ATP9B: variants seen among roughly 807,000 people sequenced by gnomAD.
ATP9B encodes the protein probable phospholipid-transporting ATPase IIB.
ATP9B carries 110 observed loss-of-function variants against 146.1 expected under a neutral mutation model. The observed-to-expected ratio is 0.75, with a 90% confidence interval of 0.65 to 0.88. The LOEUF (loss-of-function observed/expected upper bound fraction) is 0.88, where lower values mean the gene tolerates loss of function less well. ATP9B is among the 40% of genes least tolerant of loss of function. The probability of loss-of-function intolerance (pLI) is 0.00; values close to 1 mark genes in which losing one functional copy is unlikely to be tolerated. For missense variants in ATP9B, 1,499 were observed against 1,496.4 expected, an observed-to-expected ratio of 1.00 and a Z score of -0.03; for synonymous variants, 604 against 569.7, an observed-to-expected ratio of 1.06 and a Z score of -0.86.
rs1182674745 is a variant in ATP9B, at chr18:79,354,848, C to T, written c.2904-4506C>T. Among the ~76,000 whole-genome samples the T allele has an allele frequency of 2.0e-5, 3 of 152,228 alleles. No homozygotes were observed. The East Asian group carries it at 5.8e-4, about 29-fold the overall frequency. ...AAAATTTGAAAGTCCCAGCGAGGTC[C>T]CAGCCTCTCCAACCGTGGGTCCACG... On this transcript the variant is annotated intron_variant, in intron 25 of 29. Transcript: ENST00000426216.
chr18:79,346,062 G>C (rs947120718), intron 23 of ATP9B, among the ~76,000 whole-genome samples: 1 of 149,448 alleles, frequency 6.7e-6, no homozygotes, highest in Non-Finnish European at 1.5e-5. Flanking sequence ...CTCGGTCGGC[G>C]CACGTCAGCA....
intron 2 of ATP9B, among the ~76,000 whole-genome samples, chr18:79,101,260 C>T (rs1420798701): frequency 6.6e-6 from 1 of 152,038 alleles, no homozygotes. Flanking sequence ...CTCATCAGTT[C>T]TGCATCTCGT....
chr18:79,255,505 A>G (rs1001184135), intron 12 of ATP9B, among the ~76,000 whole-genome samples: 2 of 152,206 alleles, frequency 1.3e-5, no homozygotes, highest in Non-Finnish European at 2.9e-5. Context: ...TGTATTGTCC[A>G]GTGTCGTGTG....
rs5020919 is a variant in ATP9B at position 79,171,415 on chromosome 18, C to A, written c.779-5398C>A. 9.2e-3 allele frequency among the ~76,000 whole-genome samples: 1,401 copies of A among 152,170 alleles called. 21 individuals carry two copies. Among genetic ancestry groups the A allele is most frequent in the African/African-American group, 0.031 (1,307 of 41,508 alleles). On this transcript the variant is annotated intron_variant, in intron 7 of 29. Coordinates refer to ENST00000426216, the MANE Select transcript of ATP9B (RefSeq NM_198531.5). Reference sequence around the variant, plus strand: ...AGATAGATTGCAGTTCTATTAGCAACCTAAATTGAGAGCTTTAATTTGCTA... The same window carrying A: ...AGATAGATTGCAGTTCTATTAGCAAACTAAATTGAGAGCTTTAATTTGCTA...
Position 79,245,768 on chromosome 18 carries a change from A to G in ATP9B, c.1108-7613A>G, listed in dbSNP as rs376850596. On this transcript the variant is annotated intron_variant, in intron 11 of 29. Coordinates refer to ENST00000426216, the MANE Select transcript of ATP9B (RefSeq NM_198531.5). ...TGCTGACTGAGGAGGGCACCGCCCTACTGACTGAGGAGGGCACCACCCTAC... is the reference window on the plus strand; with the variant it reads ...TGCTGACTGAGGAGGGCACCGCCCTGCTGACTGAGGAGGGCACCACCCTAC... 1.1e-3 allele frequency among the ~76,000 whole-genome samples: 149 copies of G among 140,394 alleles called. 2 individuals are homozygous for G. Among genetic ancestry groups the G allele is most frequent in the African/African-American group, 2.9e-3 (105 of 36,454 alleles). 92.1% of individuals were successfully genotyped at this position (140,394 alleles called of 152,430 possible).
intron 12 of ATP9B, among the ~76,000 whole-genome samples, chr18:79,267,891 C>A (rs1286284157): frequency 6.6e-6 from 1 of 152,046 alleles, no homozygotes; most frequent in Non-Finnish European, 1.5e-5. Flanking sequence ...TTTTCAGTTT[C>A]TGTCTACCAC....
intron 11 of ATP9B, among the ~76,000 whole-genome samples, chr18:79,241,388 A>G (rs776067811): frequency 3.9e-5 from 6 of 152,076 alleles, no homozygotes; most frequent in Non-Finnish European, 1.5e-5. Flanking sequence ...GAGATTTTCA[A>G]GCTTTTCTTA....
In ATP9B at chr18:79,225,907, CAG is replaced by C. The variant is rs2095728847; in HGVS notation, c.1107+11870_1107+11871del. 6.0e-5 allele frequency among the ~76,000 whole-genome samples: 2 copies of C among 33,294 alleles called. 1 individual carries two copies. The highest frequency in any genetic ancestry group is 1.6e-4 in the Non-Finnish European group (2 of 12,752). 21.8% of individuals were successfully genotyped at this position (33,294 alleles called of 152,430 possible). A position where few individuals can be genotyped will look rare whatever the true frequency, so the allele number is the denominator to read the frequency against. On this transcript the variant is annotated intron_variant, in intron 11 of 29. Transcript: ENST00000426216. ...GAGTGACTGTTGGGTCCCGCAGTTG[CAG>C]GGCGGCCACTGTCTTCAGCGTCTGA...
intron 4 of ATP9B, chr18:79,117,448 G>A (rs1339171654): frequency 1.3e-5 from 2 of 152,260 alleles, no homozygotes; most frequent in Admixed American, 6.5e-5. Context: ...GGTGACATTG[G>A]AATGACATCT....
chr18:79,139,031 A>G lies in ATP9B; in HGVS notation c.668-4771A>G, dbSNP rs904909426. On this transcript the variant is annotated intron_variant, in intron 5 of 29. Coordinates refer to ENST00000426216, the MANE Select transcript of ATP9B (RefSeq NM_198531.5). ...CACAGTGAGCCATGATTGTGCCACT[A>G]TACTCCAGACTGGGTGACAGAAAAT... Among the ~76,000 whole-genome samples, 7 of 152,332 alleles carry G rather than the reference A, an allele frequency of 4.6e-5. No individual in the cohort carries two copies. The South Asian group carries it at 1.2e-3, about 27-fold the overall frequency.
At chr18:79,360,620 C>T (rs1484732903) in intron 26 of ATP9B, 2 of 152,256 alleles carry the variant, frequency 1.3e-5, no homozygotes, top group East Asian at 3.9e-4. Flanking sequence ...CAGAGAGGTG[C>T]TGGGTAAGTC....
At chr18:79,286,811 G>A (rs1452483696) in intron 13 of ATP9B, among the ~76,000 whole-genome samples, 1 of 152,186 alleles carries the variant, frequency 6.6e-6, no homozygotes, top group African/African-American at 2.4e-5. Context: ...CTAATTTATT[G>A]AGAGTTTTTA....
At chr18:79,256,261 A>C (rs996658538) in intron 12 of ATP9B, among the ~76,000 whole-genome samples, 2 of 121,086 alleles carry the variant, frequency 1.7e-5, no homozygotes, top group East Asian at 2.1e-4. Context: ...AGCTAGCTAT[A>C]TATATATATA....
chr18:79,302,297 A>T (rs990336268), intron 13 of ATP9B, among the ~76,000 whole-genome samples: 17 of 152,116 alleles, frequency 1.1e-4, no homozygotes, highest in Non-Finnish European at 8.8e-5. Flanking sequence ...CTCCCCGGGG[A>T]CAAGGTGAAA....
intron 9 of ATP9B, among the ~76,000 whole-genome samples, chr18:79,198,440 A>C (rs1223840231): frequency 6.6e-6 from 1 of 152,250 alleles, no homozygotes; most frequent in Non-Finnish European, 1.5e-5. Flanking sequence ...CTAAACATTT[A>C]TGCACTAATA....
chr18:79,172,982 A>T, intron 7 of ATP9B, among the ~76,000 whole-genome samples: 1 of 152,150 alleles, frequency 6.6e-6, no homozygotes, highest in Non-Finnish European at 1.5e-5. Flanking sequence ...GTTTTGTTTT[A>T]CATTCCCACC....
rs1383296768 is a variant in ATP9B, at chr18:79,345,553, G to C, written c.2598G>C (p.Gly866=). Residue 866 remains glycine (G), a synonymous_variant, in exon 22 of 30, where the codon GGG becomes GGC. Coordinates refer to ENST00000426216, the MANE Select transcript of ATP9B (RefSeq NM_198531.5). ...RIVTLLQQHT[G]RRTCAIGDGG... Reference sequence around the variant, plus strand: ...TGACACTGCTGCAGCAGCACACAGGGAGACGCACCTGCGCCATCGGTGAGA... The same window carrying C: ...TGACACTGCTGCAGCAGCACACAGGCAGACGCACCTGCGCCATCGGTGAGA... The C allele has an allele frequency of 6.2e-7, 1 of 1,609,578 alleles. No individual in the cohort carries two copies. The highest frequency in any genetic ancestry group is 1.3e-5 in the African/African-American group (1 of 74,930).
At position 79,330,188 on chromosome 18, in the gene ATP9B, T is replaced by C. The variant is rs2096782643; in HGVS notation, c.2028+84T>C. Reference sequence around the variant, plus strand: ...TGACTCTCAGCCTGGTTCACAGTGTTTCTATGAACTTTATTGATAGATGAC... The same window carrying C: ...TGACTCTCAGCCTGGTTCACAGTGTCTCTATGAACTTTATTGATAGATGAC... On this transcript the variant is annotated intron_variant, in intron 17 of 29. Coordinates refer to ENST00000426216, the MANE Select transcript of ATP9B (RefSeq NM_198531.5). 9 of 1,244,606 alleles carry C rather than the reference T, an allele frequency of 7.2e-6. No individual in the cohort carries two copies. The South Asian group carries it at 7.5e-5, about 10-fold the overall frequency. 77.1% of individuals were successfully genotyped at this position (1,244,606 alleles called of 1,614,324 possible).
intron 5 of ATP9B, among the ~76,000 whole-genome samples, chr18:79,134,056 G>C (rs2094417236): frequency 6.6e-6 from 1 of 152,236 alleles, no homozygotes; most frequent in Admixed American, 6.5e-5. Flanking sequence ...TAGAACCCTT[G>C]AGTCGCATGT....
Sources: gnomAD v4.1 joint callset for allele counts (sites outside exome capture counted in the v4.1 genomes callset) on GRCh38, gnomAD v4.1.1 for gene constraint, MANE v1.5 for transcripts, NCBI Gene and HGNC (gene_info 2026-07-23, HGNC 2026-07-21) for gene names.